The following ARHGAP26 variants were observed in gnomAD, a reference collection of about 807,000 sequenced individuals.
The protein encoded by ARHGAP26 is Rho GTPase activating protein 26.
ARHGAP26 carries 38 observed loss-of-function variants against 104.8 expected under a neutral mutation model. That is an observed-to-expected ratio of 0.36 (90% CI 0.28 to 0.48). The LOEUF (loss-of-function observed/expected upper bound fraction) is 0.48. Among genes scored for constraint, ARHGAP26 ranks in the 20% least tolerant of loss-of-function variants. ARHGAP26 has a pLI of 0.99. For missense variants in ARHGAP26, 704 were observed against 947.9 expected, an observed-to-expected ratio of 0.74 and a Z score of 3.38; for synonymous variants, 341 against 340.0, an observed-to-expected ratio of 1.00 and a Z score of -0.03.
chr5:142,936,823 G>GAA (rs202061609), intron 11 of ARHGAP26, among the ~76,000 whole-genome samples: 9 of 126,974 alleles, frequency 7.1e-5, no homozygotes, highest in African/African-American at 1.4e-4. Flanking sequence ...ACATCCATAG[G>GAA]AAAAAAAAAA....
chr5:143,025,716 A>G (rs1215853301), intron 12 of ARHGAP26, among the ~76,000 whole-genome samples: 1 of 152,160 alleles, frequency 6.6e-6, no homozygotes, highest in Non-Finnish European at 1.5e-5. Context: ...CCACAAAGAA[A>G]CACTCCTTCC....
rs555839701 is a variant in ARHGAP26 at position 143,175,574 on chromosome 5, A to G, written c.1988+28193A>G. ...TTAATGAAGAATGTTGGATACCAAA[A>G]TGTAAGAGATTTCTAATAAACAGCC... On this transcript the variant is annotated intron_variant, in intron 20 of 22. Coordinates refer to ENST00000645722, the MANE Select transcript of ARHGAP26 (RefSeq NM_001135608.3). 6.6e-5 allele frequency among the ~76,000 whole-genome samples: 10 copies of G among 152,230 alleles called. No homozygotes were observed. In the East Asian group the frequency reaches 1.9e-3, roughly 29 times the overall value.
chr5:143,142,519 A>G (rs1313814029), intron 19 of ARHGAP26, among the ~76,000 whole-genome samples: 1 of 152,060 alleles, frequency 6.6e-6, no homozygotes, highest in Non-Finnish European at 1.5e-5. Flanking sequence ...ACATTGTCCA[A>G]ACTGTTTTTA....
At chr5:143,010,021 T>C (rs1419146796) in intron 11 of ARHGAP26, among the ~76,000 whole-genome samples, 1 of 152,202 alleles carries the variant, frequency 6.6e-6, no homozygotes, top group Non-Finnish European at 1.5e-5. Context: ...AAGACAAAGC[T>C]ATGGTCAAAG....
At chr5:142,814,061 T>C (rs575199246) in intron 1 of ARHGAP26, among the ~76,000 whole-genome samples, 10 of 152,262 alleles carry the variant, frequency 6.6e-5, no homozygotes, top group Non-Finnish European at 1.3e-4. Flanking sequence ...TGGCCAGGCC[T>C]GAAGTAGGTG....
chr5:143,226,885 A>G lies in ARHGAP26; in HGVS notation c.*4439A>G, dbSNP rs17100180. The G allele has an allele frequency of 7.8e-3, 1,763 of 226,296 alleles. 83 individuals carry two copies. In the Admixed American group the frequency reaches 0.082, roughly 11 times the overall value. 14.0% of individuals were successfully genotyped at this position (226,296 alleles called of 1,614,324 possible). ...CAAGGGCATCCCAAGGCACTTGCCCAGAGCTGCAGAGTTGTGTGTGCCATA... is the reference window on the plus strand; with the variant it reads ...CAAGGGCATCCCAAGGCACTTGCCCGGAGCTGCAGAGTTGTGTGTGCCATA... On this transcript the variant is annotated 3_prime_UTR_variant, in exon 23 of 23. Transcript: ENST00000645722.
Position 143,024,790 on chromosome 5 carries a change from A to G in ARHGAP26, c.1144+10674A>G, listed in dbSNP as rs573502078. Among the ~76,000 whole-genome samples, 5 of 152,336 alleles carry G rather than the reference A, an allele frequency of 3.3e-5. No individual in the cohort carries two copies. In the South Asian group the frequency reaches 1.0e-3, roughly 32 times the overall value. On this transcript the variant is annotated intron_variant, in intron 12 of 22. Coordinates refer to ENST00000645722, the MANE Select transcript of ARHGAP26 (RefSeq NM_001135608.3). Reference sequence around the variant, plus strand: ...ACTCCCTGCACTGATCAGAGTTGTCAGAGCCTGCAGCTCACAATCGGCATG... The same window carrying G: ...ACTCCCTGCACTGATCAGAGTTGTCGGAGCCTGCAGCTCACAATCGGCATG...
chr5:142,904,113 T>G (rs1486943994), intron 8 of ARHGAP26, among the ~76,000 whole-genome samples: 1 of 152,074 alleles, frequency 6.6e-6, no homozygotes, highest in African/African-American at 2.4e-5. Flanking sequence ...CAATCATGAC[T>G]TAGGCCTTTT....
chr5:143,177,299 T>C (rs911327710), intron 20 of ARHGAP26, among the ~76,000 whole-genome samples: 1 of 152,222 alleles, frequency 6.6e-6, no homozygotes, highest in Non-Finnish European at 1.5e-5. Context: ...TTTTGTTTGC[T>C]ACATAGTGCT....
intron 11 of ARHGAP26, among the ~76,000 whole-genome samples, chr5:143,001,940 C>T (rs1339792011): frequency 6.6e-6 from 1 of 152,190 alleles, no homozygotes; most frequent in Non-Finnish European, 1.5e-5. Flanking sequence ...TCTAGAAATG[C>T]AGTCCTCTGA....
chr5:142,875,019 A>G, intron 2 of ARHGAP26, 91 bp from the exon 3 acceptor site: 1 of 1,080,636 alleles, frequency 9.3e-7, no homozygotes, highest in Non-Finnish European at 1.4e-6. Context: ...GTGCCAAGGA[A>G]TTAAAATCCA....
intron 1 of ARHGAP26, among the ~76,000 whole-genome samples, chr5:142,803,517 A>G (rs916875423): frequency 6.6e-6 from 1 of 152,228 alleles, no homozygotes; most frequent in Non-Finnish European, 1.5e-5. Flanking sequence ...CCCGTCATCT[A>G]TTAAAACACT....
intron 19 of ARHGAP26, among the ~76,000 whole-genome samples, chr5:143,145,713 G>A (rs965421983): frequency 6.6e-6 from 1 of 152,124 alleles, no homozygotes; most frequent in Non-Finnish European, 1.5e-5. Flanking sequence ...TAAATCTCAG[G>A]CATCAATTCA....
intron 11 of ARHGAP26, among the ~76,000 whole-genome samples, chr5:142,997,353 C>G (rs1776557830): frequency 6.6e-6 from 1 of 152,148 alleles, no homozygotes; most frequent in African/African-American, 2.4e-5. Context: ...ACAGGCCCTA[C>G]TCTACCTTCT....
chr5:143,066,853 C>T (rs1217629490), intron 17 of ARHGAP26, among the ~76,000 whole-genome samples: 2 of 152,190 alleles, frequency 1.3e-5, no homozygotes, highest in African/African-American at 4.8e-5. Context: ...ACAGGGGCAG[C>T]TGGGAGAAAG....
intron 1 of ARHGAP26, among the ~76,000 whole-genome samples, chr5:142,810,906 C>T (rs567240687): frequency 6.6e-6 from 1 of 152,274 alleles, no homozygotes; most frequent in African/African-American, 2.4e-5. Context: ...ATATACATAC[C>T]ACATTTTGGG....
chr5:143,185,858 C>T (rs774517524), intron 20 of ARHGAP26, among the ~76,000 whole-genome samples: 8 of 152,232 alleles, frequency 5.3e-5, no homozygotes, highest in Non-Finnish European at 8.8e-5. Context: ...ACTCTGCCTG[C>T]ACTACCCCTC....
At chr5:143,125,910 G>A (rs1377792380) in intron 18 of ARHGAP26, among the ~76,000 whole-genome samples, 1 of 152,228 alleles carries the variant, frequency 6.6e-6, no homozygotes, top group African/African-American at 2.4e-5. Context: ...CTGATTAGGA[G>A]AGGAACAGGG....
chr5:143,041,309 A>G (rs1318235976), intron 13 of ARHGAP26, among the ~76,000 whole-genome samples: 1 of 152,220 alleles, frequency 6.6e-6, no homozygotes, highest in African/African-American at 2.4e-5. Context: ...GAATATTTGT[A>G]TTATAAATGA....
Sources: gnomAD v4.1 joint callset for allele counts (sites outside exome capture counted in the v4.1 genomes callset) on GRCh38, gnomAD v4.1.1 for gene constraint, MANE v1.5 for transcripts, NCBI Gene and HGNC (gene_info 2026-07-23, HGNC 2026-07-21) for gene names.